Variants in TG observed in about 807,000 individuals in gnomAD.
The protein encoded by TG is thyroid hormones.
Under a neutral mutation model 324.7 loss-of-function variants are expected in TG, and 270 were observed. The observed-to-expected ratio is 0.83, with a 90% CI of 0.75 to 0.92. TG has a LOEUF of 0.92. Ranked by LOEUF, TG falls within the 40% of genes least tolerant of loss-of-function variation. The probability of loss-of-function intolerance (pLI) is 0.00; values close to 1 mark genes in which losing one functional copy is unlikely to be tolerated. For synonymous variants in TG, 1,401 were observed against 1,327.0 expected, an observed-to-expected ratio of 1.06 and a Z score of -1.21; for missense variants, 3,591 against 3,456.4, an observed-to-expected ratio of 1.04 and a Z score of -0.98.
rs193266966 is a variant in TG at position 133,001,872 on chromosome 8, C to T, written c.6263-10029C>T. 2.0e-4 allele frequency: 201 copies of T among 985,424 alleles called. 1 individual carries two copies. In the East Asian group the frequency reaches 0.018, roughly 86 times the overall value. The allele number at this position is 985,424 out of a possible 1,614,324, so 61.0% of individuals were successfully genotyped here. On this transcript the variant is annotated intron_variant, in intron 35 of 47. Transcript: ENST00000220616. Reference sequence around the variant, plus strand: ...AGCCAGCCTGTGCAGGTGTGGAAACCGCCTCTTCTATTTCCCAGCTATTCC... The same window carrying T: ...AGCCAGCCTGTGCAGGTGTGGAAACTGCCTCTTCTATTTCCCAGCTATTCC...
chr8:133,028,190 C>A (rs1836283852), intron 40 of TG, among the ~76,000 whole-genome samples: 1 of 152,208 alleles, frequency 6.6e-6, no homozygotes, highest in African/African-American at 2.4e-5. Flanking sequence ...GTGGACGTCA[C>A]TTTTCAGATT....
At chr8:132,913,441 T>C (rs1291744077) in intron 20 of TG, among the ~76,000 whole-genome samples, 176 bp downstream of exon 20, 1 of 152,176 alleles carries the variant, frequency 6.6e-6, no homozygotes, top group Non-Finnish European at 1.5e-5. Context: ...CTCCATCTGC[T>C]AGGTGGCATG....
intron 39 of TG, 73 bp downstream of exon 39, chr8:133,019,768 C>T: frequency 1.6e-6 from 2 of 1,268,856 alleles, no homozygotes; most frequent in Non-Finnish European, 1.1e-6. Flanking sequence ...CCACTGTGGC[C>T]AGCACAGTTC....
chr8:133,005,886 C>G (rs1269807695), intron 35 of TG, among the ~76,000 whole-genome samples: 2 of 152,162 alleles, frequency 1.3e-5, no homozygotes, highest in African/African-American at 2.4e-5. Flanking sequence ...TCTTACCAGG[C>G]AGGACAGTCA....
At chr8:132,965,701 AG>A (rs1828460909) in intron 29 of TG, among the ~76,000 whole-genome samples, 1 of 152,212 alleles carries the variant, frequency 6.6e-6, no homozygotes, top group African/African-American at 2.4e-5. Context: ...TGATCCTCAA[AG>A]CACAAGCTGC....
chr8:133,038,737 T>C (rs1837560594), intron 41 of TG: 3 of 1,611,452 alleles, frequency 1.9e-6, no homozygotes, highest in Non-Finnish European at 2.5e-6. Flanking sequence ...CCTCCTGCAG[T>C]CTGTGGGCCA....
intron 35 of TG, among the ~76,000 whole-genome samples, chr8:132,990,113 G>A (rs148469210): frequency 1.3e-3 from 202 of 151,534 alleles, no homozygotes; most frequent in African/African-American, 4.7e-3. Flanking sequence ...CAGAGAGAGA[G>A]TGTGACTTCC....
intron 29 of TG, chr8:132,965,050 C>T: frequency 6.1e-6 from 4 of 655,762 alleles, no homozygotes; most frequent in South Asian, 5.0e-5. Context: ...TCTTGAGGGG[C>T]AATCTGTGAT....
intron 27 of TG, among the ~76,000 whole-genome samples, chr8:132,956,688 A>T (rs1826925836): frequency 6.6e-6 from 1 of 152,208 alleles, no homozygotes; most frequent in Non-Finnish European, 1.5e-5. Context: ...GCCAGATTGC[A>T]AGGAACTGAA....
chr8:132,957,705 A>G (rs1827098930), intron 27 of TG, among the ~76,000 whole-genome samples: 1 of 147,030 alleles, frequency 6.8e-6, no homozygotes, highest in Admixed American at 6.9e-5. Flanking sequence ...GTATTGAGGG[A>G]CTGTAACCCA....
At chr8:132,989,001 G>A in intron 35 of TG, 1 of 648,516 alleles carries the variant, frequency 1.5e-6, no homozygotes, top group Non-Finnish European at 1.9e-6. Flanking sequence ...TGTGGCTGGG[G>A]AGGCCTCACA....
chr8:132,989,709 G>A (rs1832063322), intron 35 of TG, among the ~76,000 whole-genome samples: 1 of 152,222 alleles, frequency 6.6e-6, no homozygotes, highest in African/African-American at 2.4e-5. Context: ...GTGCCCGTGG[G>A]TTGACGGAAT....
Position 133,043,232 on chromosome 8 carries a change from C to T in TG, c.7239+13209C>T, listed in dbSNP as rs77330408. ...TGGTCAAGCAGCGGCAGTTAGATTT[C>T]GGTATTTTTGGCCTGGTAGCCTCAT... On this transcript the variant is annotated intron_variant, in intron 41 of 47. Transcript: ENST00000220616. Among the ~76,000 whole-genome samples the T allele has an allele frequency of 9.3e-3, 1,418 of 152,214 alleles. 11 individuals are homozygous for T. Among genetic ancestry groups the T allele is most frequent in the Admixed American group, 0.017 (267 of 15,300 alleles).
chr8:133,001,523 T>C (rs938819170), intron 35 of TG, among the ~76,000 whole-genome samples: 9 of 152,256 alleles, frequency 5.9e-5, no homozygotes, highest in Admixed American at 1.3e-4. Flanking sequence ...TTATTTGGTC[T>C]TCCTTCCTTC....
rs189094351 is a variant in TG, at chr8:133,038,927, G to C, written c.7239+8904G>C. 4.8e-3 allele frequency among the ~76,000 whole-genome samples: 725 copies of C among 152,084 alleles called. 6 individuals carry two copies. Among genetic ancestry groups the C allele is most frequent in the Non-Finnish European group, 8.3e-3 (563 of 67,968 alleles). On this transcript the variant is annotated intron_variant, in intron 41 of 47. Transcript: ENST00000220616. ...GAGTCTCGCTCTGTTGCCCAGGCTG[G>C]AGTGCAGTGGTGCAATCTCTGCTCA... is the stretch of plus-strand genomic sequence containing the variant.
intron 43 of TG, among the ~76,000 whole-genome samples, chr8:133,112,164 G>C (rs1850307333): frequency 2.0e-5 from 3 of 152,332 alleles, no homozygotes; most frequent in Admixed American, 2.0e-4. Context: ...CCACCCAGGA[G>C]GGACTGTGCT....
At chr8:133,112,122 GAGTGGCTGTGCCCACCC>G (rs1460837249) in intron 43 of TG, among the ~76,000 whole-genome samples, 2 of 151,534 alleles carry the variant, frequency 1.3e-5, no homozygotes, top group Non-Finnish European at 2.9e-5. Flanking sequence ...GCCCACCCAG[GAGTGGCTGTGCCCACCC>G]AGGAGGGGCT....
chr8:132,947,409 TA>T (rs539392146), intron 26 of TG, among the ~76,000 whole-genome samples: 68 of 152,304 alleles, frequency 4.5e-4, no homozygotes, highest in Non-Finnish European at 4.1e-4. Flanking sequence ...GAAGGCCACT[TA>T]AAAAAATTCA....
chr8:132,937,494 G>A (rs1264542436), intron 25 of TG, among the ~76,000 whole-genome samples: 1 of 144,210 alleles, frequency 6.9e-6, no homozygotes, highest in African/African-American at 2.9e-5. Context: ...CTATGACCAG[G>A]GTCACTCGGA....
Sources: gnomAD v4.1 joint callset for allele counts (sites outside exome capture counted in the v4.1 genomes callset) on GRCh38, gnomAD v4.1.1 for gene constraint, MANE v1.5 for transcripts, NCBI Gene and HGNC (gene_info 2026-07-23, HGNC 2026-07-21) for gene names.